NCOA1: variants seen among roughly 807,000 people sequenced by gnomAD.
NCOA1 encodes the protein nuclear receptor coactivator 1.
Under a neutral mutation model 150.9 loss-of-function variants are expected in NCOA1, and 35 were observed. That is an observed-to-expected ratio of 0.23 (90% CI 0.18 to 0.31). The LOEUF is 0.31. Among genes scored for constraint, NCOA1 ranks in the 10% least tolerant of loss-of-function variants. The pLI, the probability that NCOA1 is intolerant of heterozygous loss-of-function variation, is 1.00. For missense variants in NCOA1, 1,491 were observed against 1,749.3 expected, an observed-to-expected ratio of 0.85 and a Z score of 2.63; for synonymous variants, 590 against 630.0, an observed-to-expected ratio of 0.94 and a Z score of 0.95.
intron 4 of NCOA1, 100 bp from the exon 5 acceptor site, chr2:24,658,561 A>G (rs1446027334): frequency 1.3e-6 from 1 of 787,640 alleles, no homozygotes; most frequent in East Asian, 2.6e-5. Context: ...TTGATATAGC[A>G]CAATTTTTAG....
chr2:24,748,662 A>C (rs1446461899), intron 19 of NCOA1, among the ~76,000 whole-genome samples: 1 of 152,040 alleles, frequency 6.6e-6, no homozygotes, highest in Non-Finnish European at 1.5e-5. Context: ...AAAAACGAGT[A>C]AATTAACTAC....
intron 5 of NCOA1, among the ~76,000 whole-genome samples, chr2:24,659,405 C>T (rs939543891): frequency 3.2e-4 from 49 of 151,806 alleles, no homozygotes; most frequent in African/African-American, 1.2e-3. Context: ...GGAATATGAC[C>T]ACCTTGAACA....
chr2:24,497,077 CAT>C, intron 1 of NCOA1, among the ~76,000 whole-genome samples: 2 of 152,244 alleles, frequency 1.3e-5, no homozygotes, highest in Admixed American at 1.3e-4. Flanking sequence ...GCTAGCTCTA[CAT>C]ATTACATTTT....
chr2:24,658,595 T>A lies in NCOA1; in HGVS notation c.-17-66T>A. 2.5e-6 allele frequency: 3 copies of A among 1,194,672 alleles called. No individual in the cohort carries two copies. The Admixed American group carries it at 5.3e-5, about 21-fold the overall frequency. 74.0% of individuals were successfully genotyped at this position (1,194,672 alleles called of 1,614,324 possible). A position where few individuals can be genotyped will look rare whatever the true frequency, so the allele number is the denominator to read the frequency against. On this transcript the variant is annotated intron_variant, in intron 4 of 22. Transcript: ENST00000348332. ...AGAAATTTTCTAACAGAGGGGAGCT[T>A]CCCTACCTTTATTTGGTTGGAAAGG...
At chr2:24,501,449 G>A (rs1165696334) in intron 1 of NCOA1, among the ~76,000 whole-genome samples, 1 of 152,094 alleles carries the variant, frequency 6.6e-6, no homozygotes, top group Non-Finnish European at 1.5e-5. Flanking sequence ...ACAATATTAG[G>A]AAAAGCACAA....
chr2:24,725,961 T>C (rs2148634082), intron 14 of NCOA1, among the ~76,000 whole-genome samples: 1 of 152,264 alleles, frequency 6.6e-6, no homozygotes. Context: ...GAGATGATCA[T>C]AAAGCTTTCC....
In NCOA1 at chr2:24,728,358, T is replaced by C. The variant is rs774515161; in HGVS notation, c.2768T>C (p.Val923Ala). Residue 923 changes from valine (V) to alanine (A), a missense_variant, in exon 16 of 23, where the codon GTA (valine) becomes GCA (alanine). Physicochemically the swap from Val to Ala is moderately conservative, Grantham distance 64. This residue lies in a region of NCOA1 where 13 missense variants were observed against 38.5 expected (regional missense o/e 0.34). Transcript: ENST00000348332. ...GAGCTTCTCTGTCCACCCACAACAG[T>C]AGAAGGGAGAAATGATGAGAAGGCT... ...LDELLCPPTTVEGRNDEKALL... is the reference protein window; with the variant it reads ...LDELLCPPTTAEGRNDEKALL... 3 of 1,613,612 alleles carry C rather than the reference T, an allele frequency of 1.9e-6. No homozygotes were observed. In the South Asian group the frequency reaches 3.3e-5, roughly 18 times the overall value.
intron 15 of NCOA1, among the ~76,000 whole-genome samples, 187 bp downstream of exon 15, chr2:24,726,893 T>C (rs1674654634): frequency 6.6e-6 from 1 of 150,646 alleles, no homozygotes. Context: ...TCCCAGCACT[T>C]TGGGAGGCGG....
At chr2:24,652,003 T>C (rs1670731047) in intron 4 of NCOA1, among the ~76,000 whole-genome samples, 1 of 152,102 alleles carries the variant, frequency 6.6e-6, no homozygotes. Context: ...AAAGAGTTAC[T>C]GTATAACCTA....
chr2:24,586,174 G>A (rs1667397428), intron 3 of NCOA1, among the ~76,000 whole-genome samples: 1 of 151,438 alleles, frequency 6.6e-6, no homozygotes. Context: ...TACTCAGGGG[G>A]CTGAGGCAGG....
At chr2:24,607,460 C>T (rs969888198) in intron 3 of NCOA1, among the ~76,000 whole-genome samples, 5 of 152,162 alleles carry the variant, frequency 3.3e-5, no homozygotes, top group African/African-American at 1.2e-4. Context: ...GAGGCCAAGG[C>T]GGGCGGATCA....
At chr2:24,753,579 A>G (rs1664355176) in intron 20 of NCOA1, among the ~76,000 whole-genome samples, 1 of 152,238 alleles carries the variant, frequency 6.6e-6, no homozygotes, top group Non-Finnish European at 1.5e-5. Flanking sequence ...AATGCTCATC[A>G]GTAGCATTTG....
chr2:24,745,893 T>G (rs1447325042), intron 19 of NCOA1, among the ~76,000 whole-genome samples: 2 of 152,246 alleles, frequency 1.3e-5, no homozygotes, highest in African/African-American at 4.8e-5. Flanking sequence ...ACATTGTCTA[T>G]ACTCTATCTA....
At chr2:24,668,982 G>A (rs964316404) in intron 6 of NCOA1, among the ~76,000 whole-genome samples, 1 of 152,096 alleles carries the variant, frequency 6.6e-6, no homozygotes, top group Non-Finnish European at 1.5e-5. Flanking sequence ...ATATTTATAT[G>A]ACCCTAGTGA....
chr2:24,602,864 A>T (rs1668190222), intron 3 of NCOA1, among the ~76,000 whole-genome samples: 1 of 152,198 alleles, frequency 6.6e-6, no homozygotes, highest in Admixed American at 6.5e-5. Flanking sequence ...GCCTGTCTCA[A>T]CTTATTCCTC....
At chr2:24,649,633 A>G (rs1670625376) in intron 4 of NCOA1, among the ~76,000 whole-genome samples, 1 of 152,240 alleles carries the variant, frequency 6.6e-6, no homozygotes. Context: ...TTAATAAGGC[A>G]AATGTTTATT....
At chr2:24,616,313 A>G (rs922899664) in intron 3 of NCOA1, among the ~76,000 whole-genome samples, 1 of 152,214 alleles carries the variant, frequency 6.6e-6, no homozygotes, top group Non-Finnish European at 1.5e-5. Context: ...ACCATAGTAC[A>G]TAGTTTTAAT....
Position 24,658,750 on chromosome 2 carries a change from G to T in NCOA1, c.73G>T (p.Asp25Tyr). The T allele has an allele frequency of 3.7e-6, 6 of 1,614,036 alleles. No individual in the cohort carries two copies. Among genetic ancestry groups the T allele is most frequent in the Non-Finnish European group, 5.1e-6 (6 of 1,179,918 alleles). The change falls in exon 5 of 23, where the codon GAC becomes TAC. Residue 25 changes from aspartate (D) to tyrosine (Y), a missense_variant. Transcript: ENST00000348332. ...DSHKRKGSPC[D>Y]TLASSTEKRR... ...ACATAAGAGGAAAGGATCGCCATGT[G>T]ACACACTGGCATCAAGGTAGGAACA...
chr2:24,726,863 G>A (rs1290909674), intron 15 of NCOA1, among the ~76,000 whole-genome samples, 157 bp downstream of exon 15: 1 of 151,166 alleles, frequency 6.6e-6, no homozygotes, highest in African/African-American at 2.4e-5. Context: ...TGGGCCCGGT[G>A]CAGTGGCTCT....
Sources: gnomAD v4.1 joint callset for allele counts (sites outside exome capture counted in the v4.1 genomes callset) on GRCh38, gnomAD v4.1.1 for gene constraint, gnomAD v4.1.1 regional missense constraint, MANE v1.5 for transcripts, NCBI Gene and HGNC (gene_info 2026-07-23, HGNC 2026-07-21) for gene names.